CTDSPL2: variants seen among roughly 807,000 people sequenced by gnomAD.
The protein encoded by CTDSPL2 is CTD small phosphatase-like protein 2.
A neutral mutation model predicts 60.0 loss-of-function variants in CTDSPL2; 5 were observed. That is an observed-to-expected ratio of 0.08 (90% CI 0.04 to 0.18). The LOEUF is 0.18. CTDSPL2 is among the 10% of genes least tolerant of loss of function. The pLI is 1.00. For synonymous variants in CTDSPL2, 186 were observed against 189.3 expected (o/e 0.98, Z 0.14); for missense variants, 370 against 548.8 (o/e 0.67, Z 3.26).
At chr15:44,512,367 T>C (rs2140860628) in intron 8 of CTDSPL2, among the ~76,000 whole-genome samples, 1 of 152,226 alleles carries the variant, frequency 6.6e-6, no homozygotes, top group South Asian at 2.1e-4. Context: ...AAAAATGAAA[T>C]ATTTTTGGTT....
chr15:44,470,097 CAAAAAAAA>C (rs886463524), intron 2 of CTDSPL2, among the ~76,000 whole-genome samples: 1 of 54,152 alleles, frequency 1.8e-5, no homozygotes, highest in South Asian at 6.8e-4. Flanking sequence ...GACTCTGTCT[CAAAAAAAA>C]AAAAAAAAAA....
chr15:44,472,344 A>G (rs1356303183), intron 2 of CTDSPL2, among the ~76,000 whole-genome samples: 3 of 152,176 alleles, frequency 2.0e-5, no homozygotes, highest in Non-Finnish European at 4.4e-5. Flanking sequence ...AGGACAATCA[A>G]CACTTGTAAT....
chr15:44,466,219 G>A (rs1368333307), intron 2 of CTDSPL2, among the ~76,000 whole-genome samples: 3 of 152,112 alleles, frequency 2.0e-5, no homozygotes, highest in East Asian at 3.9e-4. Context: ...TTACAGGCGT[G>A]AGCCACCGCG....
chr15:44,507,059 GC>G (rs1567099456), intron 8 of CTDSPL2, among the ~76,000 whole-genome samples: 1 of 144,032 alleles, frequency 6.9e-6, no homozygotes, highest in Non-Finnish European at 1.5e-5. Context: ...GAGCCACCGC[GC>G]CTGGCTTTTT....
In CTDSPL2 at chr15:44,515,788, G is replaced by A. The variant is rs567774562; in HGVS notation, c.1112+944G>A. Among the ~76,000 whole-genome samples, 35 of 152,074 alleles carry A rather than the reference G, an allele frequency of 2.3e-4. No homozygotes were observed. The South Asian group carries it at 7.3e-3, about 32-fold the overall frequency. Reference sequence around the variant, plus strand: ...CTCGGGAGGCTGAGGCAGGAGAATCGCTTGAACCCGGAAGGCGGAGGTTAT... The same window carrying A: ...CTCGGGAGGCTGAGGCAGGAGAATCACTTGAACCCGGAAGGCGGAGGTTAT... On this transcript the variant is annotated intron_variant, in intron 10 of 12. Coordinates refer to ENST00000260327, the MANE Select transcript of CTDSPL2 (RefSeq NM_016396.3).
rs554250240 is a variant in CTDSPL2, at chr15:44,509,333, C to T, written c.970-5265C>T. On this transcript the variant is annotated intron_variant, in intron 8 of 12. Transcript: ENST00000260327. ...TCTCCTGCTTCAGCCTTTCAAGTAG[C>T]TGGGACTACAGGCGTGCACCACCAC... Among the ~76,000 whole-genome samples, 5 of 152,202 alleles carry T rather than the reference C, an allele frequency of 3.3e-5. No individual in the cohort carries two copies. The East Asian group carries it at 9.7e-4, about 29-fold the overall frequency.
chr15:44,481,269 C>T (rs2081021727), intron 2 of CTDSPL2, among the ~76,000 whole-genome samples: 1 of 152,196 alleles, frequency 6.6e-6, no homozygotes, highest in South Asian at 2.1e-4. Context: ...TTAGTCTTGA[C>T]CTTAATAGCT....
intron 8 of CTDSPL2, among the ~76,000 whole-genome samples, chr15:44,510,397 T>C (rs1434099873): frequency 6.6e-6 from 1 of 152,238 alleles, no homozygotes; most frequent in Non-Finnish European, 1.5e-5. Flanking sequence ...GTAGTCAATC[T>C]TGAATAGTTT....
intron 1 of CTDSPL2, among the ~76,000 whole-genome samples, chr15:44,434,547 C>T (rs1007833535): frequency 6.6e-6 from 1 of 152,194 alleles, no homozygotes; most frequent in Non-Finnish European, 1.5e-5. Context: ...GTGTGCACCA[C>T]CACGCCTGGC....
chr15:44,442,976 C>CA lies in CTDSPL2; in HGVS notation c.-25+15216dup, dbSNP rs72305309. On this transcript the variant is annotated intron_variant, in intron 1 of 12. Transcript: ENST00000260327. The stretch of plus-strand genomic sequence containing the variant: ...TGGGTGACAGGGTGAGACCGTGTCT[C>CA]AAAAAAAAAAAAGAGATTTTGTTTT... Among the ~76,000 whole-genome samples the CA allele has an allele frequency of 5.6e-3, 769 of 136,276 alleles. 4 individuals are homozygous for CA. The highest frequency in any genetic ancestry group is 0.018 in the African/African-American group (672 of 37,120). 89.4% of individuals were successfully genotyped at this position (136,276 alleles called of 152,430 possible). A position where few individuals can be genotyped will look rare whatever the true frequency, so the allele number is the denominator to read the frequency against.
At chr15:44,471,778 CCT>C (rs1455659968) in intron 2 of CTDSPL2, among the ~76,000 whole-genome samples, 1 of 152,088 alleles carries the variant, frequency 6.6e-6, no homozygotes. Context: ...ATTTCCCCTT[CCT>C]CTCTAGCCCT....
At chr15:44,449,106 G>T in intron 1 of CTDSPL2, 1 of 309,906 alleles carries the variant, frequency 3.2e-6, no homozygotes, top group Non-Finnish European at 6.4e-6. Flanking sequence ...AATTTCATTT[G>T]GGATGTTAGG....
At chr15:44,468,714 A>G (rs1393758803) in intron 2 of CTDSPL2, among the ~76,000 whole-genome samples, 1 of 152,210 alleles carries the variant, frequency 6.6e-6, no homozygotes, top group Admixed American at 6.5e-5. Context: ...GGCTTTGGAC[A>G]CGGGTACAGT....
At chr15:44,440,207 T>C (rs1207576144) in intron 1 of CTDSPL2, among the ~76,000 whole-genome samples, 2 of 151,600 alleles carry the variant, frequency 1.3e-5, no homozygotes, top group Non-Finnish European at 2.9e-5. Context: ...GTGTTTTTTT[T>C]TTTTTTGAGA....
At position 44,527,604 on chromosome 15, in the gene CTDSPL2, A is replaced by G. The variant is rs1359121532; in HGVS notation, c.*3430A>G. 1.3e-5 allele frequency: 2 copies of G among 152,208 alleles called. No homozygotes were observed. The highest frequency in any genetic ancestry group is 2.1e-4 in the South Asian group (1 of 4,832). 9.4% of individuals were successfully genotyped at this position (152,208 alleles called of 1,614,324 possible). ...CTAATATGATGGTGTTATATACTACATCATTAGCTAGTTAAGGTTTTCTGA... is the reference window on the plus strand; with the variant it reads ...CTAATATGATGGTGTTATATACTACGTCATTAGCTAGTTAAGGTTTTCTGA... On this transcript the variant is annotated 3_prime_UTR_variant, in exon 13 of 13. Transcript: ENST00000260327.
chr15:44,440,647 T>G (rs1034417036), intron 1 of CTDSPL2, among the ~76,000 whole-genome samples: 3 of 151,912 alleles, frequency 2.0e-5, no homozygotes, highest in African/African-American at 4.9e-5. Flanking sequence ...AAATTTAATT[T>G]CTGGTTTTTA....
In CTDSPL2 at chr15:44,519,131, GT is replaced by G. The variant is rs753220502; in HGVS notation, c.1113-26del. On this transcript the variant is annotated intron_variant, in intron 10 of 12. Transcript: ENST00000260327. ...GTGTATATGTTCTACTTTTTAGAAA[GT>G]TTTTTTTTTTTAATTTGTTTTTATT... The G allele has an allele frequency of 8.0e-3, 8,366 of 1,046,282 alleles. 5 individuals are homozygous for G. Among genetic ancestry groups the G allele is most frequent in the Middle Eastern group, 0.017 (52 of 3,032 alleles). 64.8% of individuals were successfully genotyped at this position (1,046,282 alleles called of 1,614,324 possible). A position where few individuals can be genotyped will look rare whatever the true frequency, so the allele number is the denominator to read the frequency against.
chr15:44,427,657 A>T lies in CTDSPL2; in HGVS notation c.-140A>T, dbSNP rs913416814. On this transcript the variant is annotated 5_prime_UTR_variant, in exon 1 of 13. Transcript: ENST00000260327. ...GCAGGTCGGTAGGCGGGAAATGGCG[A>T]CTGGCTGAAGGAGCTGGTTCTGTTG... 2.5e-6 allele frequency: 1 copy of T among 399,136 alleles called. No homozygotes were observed. Among genetic ancestry groups the T allele is most frequent in the Admixed American group, 4.4e-5 (1 of 22,710 alleles). The allele number at this position is 399,136 out of a possible 1,614,324, so 24.7% of individuals were successfully genotyped here. A position where few individuals can be genotyped will look rare whatever the true frequency, so the allele number is the denominator to read the frequency against.
chr15:44,446,153 T>C (rs923400504), intron 1 of CTDSPL2, among the ~76,000 whole-genome samples: 1 of 146,082 alleles, frequency 6.8e-6, no homozygotes, highest in African/African-American at 2.4e-5. Flanking sequence ...CTCGAACTCC[T>C]GACCTCGTGA....
Sources: gnomAD v4.1 joint callset for allele counts (sites outside exome capture counted in the v4.1 genomes callset) on GRCh38, gnomAD v4.1.1 for gene constraint, MANE v1.5 for transcripts, NCBI Gene and HGNC (gene_info 2026-07-23, HGNC 2026-07-21) for gene names.